NSD3: variants seen among roughly 807,000 people sequenced by gnomAD.
NSD3 encodes the protein histone-lysine N-methyltransferase NSD3.
A neutral mutation model predicts 160.8 loss-of-function variants in NSD3; 24 were observed. The ratio of observed to expected loss-of-function variants is 0.15; its 90% confidence interval spans 0.11 to 0.21. The LOEUF (loss-of-function observed/expected upper bound fraction) is 0.21. Among genes scored for constraint, NSD3 ranks in the 10% least tolerant of loss-of-function variants. NSD3 has a pLI of 1.00. For synonymous variants in NSD3, 520 were observed against 600.0 expected (o/e 0.87, Z 1.95); for missense variants, 1,157 against 1,735.9 (o/e 0.67, Z 5.93).
At chr8:38,331,876 C>T (rs558567660) in intron 4 of NSD3, among the ~76,000 whole-genome samples, 2 of 152,350 alleles carry the variant, frequency 1.3e-5, no homozygotes, top group African/African-American at 4.8e-5. Flanking sequence ...TTCTCATTAA[C>T]TTTTTAACAA....
At chr8:38,292,164 T>C (rs1273261646) in intron 16 of NSD3, among the ~76,000 whole-genome samples, 1 of 152,270 alleles carries the variant, frequency 6.6e-6, no homozygotes, top group Non-Finnish European at 1.5e-5. Flanking sequence ...TTAAATGTAT[T>C]AATTTTCAAA....
rs2130979369 is a variant in NSD3, at chr8:38,276,354, T to C, written c.4014A>G (p.Lys1338=). ...GGTGGTATGCTTTGGGACAGTCTTTTTTGTCACACATGACCAGCTCTCCAC... is the reference window on the plus strand; with the variant it reads ...GGTGGTATGCTTTGGGACAGTCTTTCTTGTCACACATGACCAGCTCTCCAC... ...GDGGELVMCD[K]KDCPKAYHLL... is the part of the protein sequence containing the mutation. Residue 1338 remains lysine (K), a synonymous_variant, in exon 23 of 24, where the codon AAA becomes AAG. Coordinates refer to ENST00000317025, the MANE Select transcript of NSD3 (RefSeq NM_023034.2). 1 of 1,614,206 alleles carries C rather than the reference T, an allele frequency of 6.2e-7. No homozygotes were observed. Among genetic ancestry groups the C allele is most frequent in the East Asian group, 2.2e-5 (1 of 44,890 alleles).
intron 10 of NSD3, 56 bp downstream of exon 10, chr8:38,315,856 G>T: frequency 6.4e-7 from 1 of 1,561,340 alleles, no homozygotes; most frequent in Non-Finnish European, 8.6e-7. Context: ...AATAAATAAG[G>T]GAAAAGCATT....
chr8:38,311,379 G>A (rs576564991), intron 12 of NSD3, among the ~76,000 whole-genome samples: 10 of 152,288 alleles, frequency 6.6e-5, no homozygotes, highest in African/African-American at 2.4e-4. Flanking sequence ...CCAGGCTGGA[G>A]TGCAATGGAA....
chr8:38,280,106 G>A (rs867949973), intron 20 of NSD3: 1 of 155,780 alleles, frequency 6.4e-6, no homozygotes, highest in Non-Finnish European at 1.4e-5. Flanking sequence ...GCTTAGGCCA[G>A]AAAGAAGAAA....
At chr8:38,367,656 G>A in intron 1 of NSD3, among the ~76,000 whole-genome samples, 1 of 152,128 alleles carries the variant, frequency 6.6e-6, no homozygotes, top group East Asian at 1.9e-4. Context: ...AGGTTGCGGT[G>A]AGCTGAGATT....
At chr8:38,357,678 T>C (rs1810858814) in intron 1 of NSD3, among the ~76,000 whole-genome samples, 1 of 152,218 alleles carries the variant, frequency 6.6e-6, no homozygotes, top group Non-Finnish European at 1.5e-5. Flanking sequence ...ATGATCTGTT[T>C]ATGTGAGTTT....
At chr8:38,373,003 T>C (rs1239756502) in intron 1 of NSD3, among the ~76,000 whole-genome samples, 1 of 147,428 alleles carries the variant, frequency 6.8e-6, no homozygotes, top group Admixed American at 6.8e-5. Flanking sequence ...TGAGCCGAGA[T>C]TGCGCCACTG....
chr8:38,373,791 A>T (rs1012661909), intron 1 of NSD3, among the ~76,000 whole-genome samples: 1 of 152,004 alleles, frequency 6.6e-6, no homozygotes, highest in African/African-American at 2.4e-5. Context: ...CATCTCTACA[A>T]AAAAATTTTA....
chr8:38,343,485 C>T (rs1364983228), intron 2 of NSD3, among the ~76,000 whole-genome samples: 1 of 151,868 alleles, frequency 6.6e-6, no homozygotes, highest in African/African-American at 2.4e-5. Flanking sequence ...GTGGATCACC[C>T]TAAGGTCAGG....
rs927399386 is a variant in NSD3, at chr8:38,361,974, T to C, written c.-44-13759A>G. Among the ~76,000 whole-genome samples, 4 of 151,964 alleles carry C rather than the reference T, an allele frequency of 2.6e-5. No homozygotes were observed. In the East Asian group the frequency reaches 5.8e-4, roughly 22 times the overall value. ...ATAAACCAGTACCTAAAGACTTCCA[T>C]TGAGAACCTTCTTGGCTTCTTAATA... is the stretch of plus-strand genomic sequence containing the variant. On this transcript the variant is annotated intron_variant, in intron 1 of 23. Coordinates refer to ENST00000317025, the MANE Select transcript of NSD3 (RefSeq NM_023034.2).
chr8:38,343,100 G>T (rs1186268655), intron 2 of NSD3, among the ~76,000 whole-genome samples: 1 of 151,804 alleles, frequency 6.6e-6, no homozygotes, highest in Admixed American at 6.6e-5. Context: ...GGGGGCTGAG[G>T]CATAGGAATC....
In NSD3 at chr8:38,275,753, C is replaced by G. The variant is rs1253097616; in HGVS notation, c.4202G>C (p.Gly1401Ala). 1 of 1,614,182 alleles carries G rather than the reference C, an allele frequency of 6.2e-7. No homozygotes were observed. Among genetic ancestry groups the G allele is most frequent in the East Asian group, 2.2e-5 (1 of 44,890 alleles). ...GTCATGTTCCGAGCAGCAGAGGCGG[C>G]CTTCCAGTGCAGAGGGAACCAGGGC... ...KGALVPSALEGRLCCSEHDPM... is the reference protein window; with the variant it reads ...KGALVPSALEARLCCSEHDPM... The change falls in exon 24 of 24, where the codon GGC becomes GCC. Residue 1401 changes from glycine (G) to alanine (A), a missense_variant. Coordinates refer to ENST00000317025, the MANE Select transcript of NSD3 (RefSeq NM_023034.2).
intron 4 of NSD3, among the ~76,000 whole-genome samples, chr8:38,336,866 G>T (rs1810229736): frequency 6.6e-6 from 1 of 152,204 alleles, no homozygotes; most frequent in Non-Finnish European, 1.5e-5. Context: ...CAGAGGCCGG[G>T]CGCAGTGGCT....
At position 38,271,919 on chromosome 8, in the gene NSD3, A is replaced by G. The variant is rs1461871184; in HGVS notation, c.*3722T>C. 1 of 152,230 alleles carries G rather than the reference A, an allele frequency of 6.6e-6. No homozygotes were observed. Among genetic ancestry groups the G allele is most frequent in the African/African-American group, 2.4e-5 (1 of 41,450 alleles). 9.4% of individuals were successfully genotyped at this position (152,230 alleles called of 1,614,324 possible). A position where few individuals can be genotyped will look rare whatever the true frequency, so the allele number is the denominator to read the frequency against. ...GAGCTTTGTATTTAAAATGAAATGA[A>G]AGACAAGCAACAAGTCCTGGGCAGT... On this transcript the variant is annotated 3_prime_UTR_variant, in exon 24 of 24. Coordinates refer to ENST00000317025, the MANE Select transcript of NSD3 (RefSeq NM_023034.2).
intron 4 of NSD3, chr8:38,336,151 A>C (rs572971230): frequency 6.6e-6 from 1 of 152,400 alleles, no homozygotes; most frequent in Admixed American, 6.5e-5. Flanking sequence ...ACAAGGACCA[A>C]GACAGATGGT....
chr8:38,327,930 C>T (rs914607278), intron 6 of NSD3, among the ~76,000 whole-genome samples: 11 of 152,094 alleles, frequency 7.2e-5, no homozygotes, highest in Admixed American at 4.6e-4. Flanking sequence ...GGCCAGGCAC[C>T]GTGGCTCCTG....
At chr8:38,289,707 G>T (rs922739611) in intron 17 of NSD3, among the ~76,000 whole-genome samples, 2 of 152,206 alleles carry the variant, frequency 1.3e-5, no homozygotes, top group Non-Finnish European at 2.9e-5. Context: ...TATGCTCTGT[G>T]CATGCTGTAG....
chr8:38,338,592 C>T lies in NSD3; in HGVS notation c.691G>A (p.Val231Ile). The T allele has an allele frequency of 6.2e-7, 1 of 1,613,772 alleles. No homozygotes were observed. The highest frequency in any genetic ancestry group is 8.5e-7 in the Non-Finnish European group (1 of 1,179,826). Residue 231 changes from valine (V) to isoleucine (I), a missense_variant, in exon 3 of 24, where the codon GTT becomes ATT. Transcript: ENST00000317025. ...CTTGGTTTTTCTGATACAGTGTCAA[C>T]CCTCTCATTTGGTCTCTAGGTGAAA... ...PEEQNRPNERVDTVSEKPREE... is the reference protein window; with the variant it reads ...PEEQNRPNERIDTVSEKPREE...
Sources: gnomAD v4.1 joint callset for allele counts (sites outside exome capture counted in the v4.1 genomes callset) on GRCh38, gnomAD v4.1.1 for gene constraint, MANE v1.5 for transcripts, NCBI Gene and HGNC (gene_info 2026-07-23, HGNC 2026-07-21) for gene names.